Variants in TSPAN12 observed in about 807,000 individuals in gnomAD.
The protein encoded by TSPAN12 is tetraspanin-12.
Under a neutral mutation model 39.2 loss-of-function variants are expected in TSPAN12, and 19 were observed. That is an observed-to-expected ratio of 0.49 (90% CI 0.34 to 0.71). TSPAN12 has a LOEUF of 0.71. Ranked by LOEUF, TSPAN12 falls within the 30% of genes least tolerant of loss-of-function variation. The pLI is 0.01. For missense variants in TSPAN12, 314 were observed against 359.9 expected (o/e 0.87, Z 1.03); for synonymous variants, 119 against 124.8 (o/e 0.95, Z 0.31).
chr7:120,828,626 G>A (rs1259934073), intron 4 of TSPAN12, among the ~76,000 whole-genome samples: 2 of 146,222 alleles, frequency 1.4e-5, no homozygotes, highest in African/African-American at 2.5e-5. Flanking sequence ...AGAAGACAAC[G>A]ATTGTTCCTT....
At chr7:120,838,983 CA>C in intron 3 of TSPAN12, 71 bp from the exon 4 acceptor site, 1 of 1,488,700 alleles carries the variant, frequency 6.7e-7, no homozygotes, top group Non-Finnish European at 9.3e-7. Context: ...GCAGAAGACA[CA>C]ACTGTGATTT....
intron 4 of TSPAN12, among the ~76,000 whole-genome samples, chr7:120,821,067 T>C (rs1206945686): frequency 6.6e-6 from 1 of 152,160 alleles, no homozygotes; most frequent in Non-Finnish European, 1.5e-5. Flanking sequence ...AATGAATAAA[T>C]GTGTGTCTAT....
intron 7 of TSPAN12, among the ~76,000 whole-genome samples, chr7:120,799,239 G>T (rs1347993323): frequency 6.6e-6 from 1 of 151,352 alleles, no homozygotes; most frequent in Non-Finnish European, 1.5e-5. Context: ...AGAGAGCTGG[G>T]TTGTCTGGGA....
At chr7:120,800,515 A>G (rs1208594384) in intron 7 of TSPAN12, among the ~76,000 whole-genome samples, 1 of 152,086 alleles carries the variant, frequency 6.6e-6, no homozygotes, top group Non-Finnish European at 1.5e-5. Flanking sequence ...GCCTGCCTTC[A>G]GTACGAATCT....
intron 4 of TSPAN12, among the ~76,000 whole-genome samples, chr7:120,836,566 A>G (rs1049226769): frequency 6.6e-6 from 1 of 152,180 alleles, no homozygotes. Context: ...CTGAGCTCAG[A>G]GTTCTTCCTC....
At chr7:120,839,639 A>G (rs1201219745) in intron 3 of TSPAN12, among the ~76,000 whole-genome samples, 1 of 151,386 alleles carries the variant, frequency 6.6e-6, no homozygotes, top group Admixed American at 6.6e-5. Flanking sequence ...GAAATTTGAG[A>G]AAAAAAAATC....
chr7:120,835,543 G>C (rs1794460938), intron 4 of TSPAN12, among the ~76,000 whole-genome samples: 1 of 152,080 alleles, frequency 6.6e-6, no homozygotes, highest in Non-Finnish European at 1.5e-5. Context: ...TGTAGACTTA[G>C]GCAACTCACT....
intron 7 of TSPAN12, among the ~76,000 whole-genome samples, chr7:120,795,829 T>C (rs1484883798): frequency 6.6e-6 from 1 of 152,106 alleles, no homozygotes; most frequent in Non-Finnish European, 1.5e-5. Flanking sequence ...ATGCTTCCTT[T>C]AAAAAAAGCA....
intron 4 of TSPAN12, among the ~76,000 whole-genome samples, chr7:120,816,102 C>G (rs1794076632): frequency 6.6e-6 from 1 of 152,080 alleles, no homozygotes; most frequent in Admixed American, 6.6e-5. Context: ...AAACTTTAAT[C>G]AAGTTCTCCA....
intron 4 of TSPAN12, among the ~76,000 whole-genome samples, chr7:120,832,992 G>T (rs1340635833): frequency 1.3e-5 from 2 of 152,140 alleles, no homozygotes; most frequent in African/African-American, 2.4e-5. Context: ...GTACTGTGGT[G>T]TAGTGAAACC....
chr7:120,837,314 T>C (rs1312431398), intron 4 of TSPAN12, among the ~76,000 whole-genome samples: 1 of 128,208 alleles, frequency 7.8e-6, no homozygotes, highest in Non-Finnish European at 1.6e-5. Flanking sequence ...TTCATTTATT[T>C]ATTTTTTTTT....
In TSPAN12 at chr7:120,842,664, T is replaced by C. The variant is rs144087867; in HGVS notation, c.67-2555A>G. 2.1e-3 allele frequency among the ~76,000 whole-genome samples: 323 copies of C among 152,230 alleles called. 1 individual carries two copies. Among genetic ancestry groups the C allele is most frequent in the African/African-American group, 7.1e-3 (297 of 41,540 alleles). Reference sequence around the variant, plus strand: ...CTACACAGCATGTAGAATTCCTTTTTAGAAAGATGGGCAGTGGGTCTCCTG... The same window carrying C: ...CTACACAGCATGTAGAATTCCTTTTCAGAAAGATGGGCAGTGGGTCTCCTG... On this transcript the variant is annotated intron_variant, in intron 2 of 7. Transcript: ENST00000222747.
At chr7:120,815,485 C>T (rs1055831451) in intron 5 of TSPAN12, among the ~76,000 whole-genome samples, 2 of 138,074 alleles carry the variant, frequency 1.4e-5, no homozygotes, top group Non-Finnish European at 3.2e-5. Flanking sequence ...GGCTCTTCCC[C>T]CTTCGATCAA....
intron 7 of TSPAN12, among the ~76,000 whole-genome samples, chr7:120,799,868 A>G (rs917325271): frequency 1.4e-5 from 2 of 138,654 alleles, no homozygotes; most frequent in African/African-American, 5.2e-5. Context: ...TTAATATGAT[A>G]TATTACTATT....
chr7:120,835,889 G>A (rs1794467135), intron 4 of TSPAN12, among the ~76,000 whole-genome samples: 1 of 152,184 alleles, frequency 6.6e-6, no homozygotes, highest in Non-Finnish European at 1.5e-5. Flanking sequence ...GAGAAGAACG[G>A]AGCAAGAAAG....
At chr7:120,810,398 A>T in intron 6 of TSPAN12, 65 bp downstream of exon 6, 1 of 1,028,074 alleles carries the variant, frequency 9.7e-7, no homozygotes, top group Non-Finnish European at 1.5e-6. Flanking sequence ...CTAAAGCTTT[A>T]AACATCTGGT....
intron 7 of TSPAN12, among the ~76,000 whole-genome samples, chr7:120,799,524 TTATATATAATTATATATAATTA>T (rs1267391979): frequency 1.7e-5 from 2 of 116,016 alleles, no homozygotes; most frequent in East Asian, 4.4e-4. Context: ...ATATAATTAA[TTATATATAATTATATATAATTA>T]TATATATAAT....
At chr7:120,847,143 T>A (rs1437261241) in intron 2 of TSPAN12, among the ~76,000 whole-genome samples, 4 of 151,550 alleles carry the variant, frequency 2.6e-5, no homozygotes, top group Non-Finnish European at 5.9e-5. Context: ...TTTAGCTATA[T>A]GACATTCAGC....
chr7:120,830,438 C>T (rs1238419927), intron 4 of TSPAN12, among the ~76,000 whole-genome samples: 5 of 151,846 alleles, frequency 3.3e-5, no homozygotes, highest in African/African-American at 1.2e-4. Flanking sequence ...ATGGTAGTAG[C>T]CTAAAAACAG....
Sources: allele counts gnomAD v4.1 joint callset (sites outside exome capture counted in the v4.1 genomes callset), GRCh38; gene constraint gnomAD v4.1.1; transcripts MANE v1.5; gene names NCBI Gene and HGNC (gene_info 2026-07-23, HGNC 2026-07-21).